The following RBMS3 variants were observed in gnomAD, a reference collection of about 807,000 sequenced individuals.
RBMS3 encodes RNA-binding motif, single-stranded-interacting protein 3.
A neutral mutation model predicts 66.8 loss-of-function variants in RBMS3; 27 were observed. That is an observed-to-expected ratio of 0.40 (90% CI 0.30 to 0.56). The LOEUF is 0.56. RBMS3 is among the 20% of genes least tolerant of loss of function. The pLI, the probability that RBMS3 is intolerant of heterozygous loss-of-function variation, is 0.40. For missense variants in RBMS3, 513 were observed against 549.5 expected, an observed-to-expected ratio of 0.93 and a Z score of 0.66; for synonymous variants, 188 against 183.0, an observed-to-expected ratio of 1.03 and a Z score of -0.22.
chr3:29,722,196 G>A (rs887462709), intron 4 of RBMS3, among the ~76,000 whole-genome samples: 4 of 151,980 alleles, frequency 2.6e-5, no homozygotes, highest in African/African-American at 9.7e-5. Flanking sequence ...TATTTTTTCA[G>A]TTTTTTCATG....
intron 3 of RBMS3, among the ~76,000 whole-genome samples, chr3:29,506,923 T>C (rs1576047398): frequency 1.3e-5 from 2 of 152,004 alleles, no homozygotes; most frequent in South Asian, 2.1e-4. Flanking sequence ...TCAGCTATAA[T>C]ATCTCCTCTT....
chr3:29,583,130 G>A (rs1243488995), intron 3 of RBMS3, among the ~76,000 whole-genome samples: 1 of 152,068 alleles, frequency 6.6e-6, no homozygotes, highest in Non-Finnish European at 1.5e-5. Context: ...TTTTTTCAAA[G>A]TTTAGCCAGA....
At chr3:29,661,761 G>C (rs1264590209) in intron 4 of RBMS3, among the ~76,000 whole-genome samples, 1 of 152,154 alleles carries the variant, frequency 6.6e-6, no homozygotes, top group East Asian at 1.9e-4. Flanking sequence ...CATGATGTAC[G>C]TGATGGCTTG....
intron 4 of RBMS3, among the ~76,000 whole-genome samples, chr3:29,733,765 G>GT: frequency 6.6e-6 from 1 of 152,060 alleles, no homozygotes; most frequent in Admixed American, 6.6e-5. Flanking sequence ...CCATTAGCCC[G>GT]TTTTTGCTTT....
intron 1 of RBMS3, among the ~76,000 whole-genome samples, chr3:29,326,897 AT>A (rs2035370353): frequency 6.6e-6 from 1 of 151,740 alleles, no homozygotes; most frequent in Admixed American, 6.6e-5. Flanking sequence ...CGCCCAGCTA[AT>A]TTTTTGTATT....
chr3:29,827,365 G>A (rs2058237377), intron 6 of RBMS3, among the ~76,000 whole-genome samples: 1 of 152,162 alleles, frequency 6.6e-6, no homozygotes, highest in South Asian at 2.1e-4. Flanking sequence ...ATGAATGTGA[G>A]GATGGTGATC....
At chr3:29,932,135 C>G (rs1464644947) in intron 10 of RBMS3, among the ~76,000 whole-genome samples, 1 of 152,038 alleles carries the variant, frequency 6.6e-6, no homozygotes, top group South Asian at 2.1e-4. Flanking sequence ...CCAAACTGAT[C>G]AAATTGAAGC....
At chr3:29,786,110 A>AT (rs2056808021) in intron 6 of RBMS3, among the ~76,000 whole-genome samples, 2 of 148,928 alleles carry the variant, frequency 1.3e-5, no homozygotes, top group Middle Eastern at 3.4e-3. Flanking sequence ...AAAAAAAAAA[A>AT]AAAACTTAGA....
chr3:29,604,900 C>T (rs1273387804), intron 4 of RBMS3, among the ~76,000 whole-genome samples: 1 of 151,932 alleles, frequency 6.6e-6, no homozygotes, highest in African/African-American at 2.4e-5. Flanking sequence ...GGGGTTAGAG[C>T]ATGATAGCAA....
intron 6 of RBMS3, among the ~76,000 whole-genome samples, chr3:29,804,682 G>T (rs371166163): frequency 2.0e-5 from 3 of 151,926 alleles, no homozygotes; most frequent in Non-Finnish European, 2.9e-5. Context: ...CCAGAAATAG[G>T]CTAGTCGTTC....
At chr3:29,917,330 T>A (rs1321000925) in intron 10 of RBMS3, among the ~76,000 whole-genome samples, 11 of 152,134 alleles carry the variant, frequency 7.2e-5, no homozygotes, top group Non-Finnish European at 1.6e-4. Flanking sequence ...CACTTGGCGA[T>A]GTCCTTCCTT....
chr3:29,595,838 C>A (rs1397959976), intron 4 of RBMS3, among the ~76,000 whole-genome samples: 1 of 152,096 alleles, frequency 6.6e-6, no homozygotes, highest in Non-Finnish European at 1.5e-5. Context: ...CAGGGAGTGC[C>A]GGACAACCAT....
chr3:29,652,875 T>A (rs2050193684), intron 4 of RBMS3, among the ~76,000 whole-genome samples: 1 of 152,140 alleles, frequency 6.6e-6, no homozygotes, highest in African/African-American at 2.4e-5. Flanking sequence ...ACCTCTGAAG[T>A]TCAAAGTCTC....
intron 4 of RBMS3, among the ~76,000 whole-genome samples, chr3:29,733,600 G>T (rs774108915): frequency 2.0e-5 from 3 of 151,932 alleles, no homozygotes; most frequent in Admixed American, 2.0e-4. Context: ...GTTTTGATTT[G>T]CATTTCCCTG....
chr3:29,348,369 A>T (rs1008999747), intron 1 of RBMS3, among the ~76,000 whole-genome samples: 1 of 152,152 alleles, frequency 6.6e-6, no homozygotes, highest in African/African-American at 2.4e-5. Context: ...TTAATAATCG[A>T]TGCAGGTGGG....
intron 1 of RBMS3, among the ~76,000 whole-genome samples, chr3:29,309,610 G>T (rs548521619): frequency 2.1e-4 from 31 of 149,950 alleles, no homozygotes; most frequent in African/African-American, 3.0e-4. Flanking sequence ...ATGCAGTGGT[G>T]GGGGGGGCGG....
intron 6 of RBMS3, among the ~76,000 whole-genome samples, chr3:29,867,306 CCA>C (rs1394111736): frequency 6.6e-6 from 1 of 151,724 alleles, no homozygotes; most frequent in Non-Finnish European, 1.5e-5. Flanking sequence ...GACAATAATG[CCA>C]CATATCAATT....
At chr3:29,536,218 A>G (rs551076321) in intron 3 of RBMS3, among the ~76,000 whole-genome samples, 10 of 152,306 alleles carry the variant, frequency 6.6e-5, no homozygotes, top group African/African-American at 2.4e-4. Context: ...CCACACATAT[A>G]CAGTAGGAGC....
rs116598968 is a variant in RBMS3 at position 29,391,427 on chromosome 3, T to C, written c.76-43316T>C. ...AGAAAAACAAAAATCAAAGAAACTA[T>C]TCTAAACAAGCTATCAAATTTGTGT... On this transcript the variant is annotated intron_variant, in intron 1 of 14. Coordinates refer to ENST00000383767, the MANE Select transcript of RBMS3 (RefSeq NM_001003793.3). Among the ~76,000 whole-genome samples, 1,143 of 152,172 alleles carry C rather than the reference T, an allele frequency of 7.5e-3. 15 individuals are homozygous for C. The highest frequency in any genetic ancestry group is 0.026 in the African/African-American group (1,090 of 41,488).
Sources: gnomAD v4.1 joint callset for allele counts (sites outside exome capture counted in the v4.1 genomes callset) on GRCh38, gnomAD v4.1.1 for gene constraint, MANE v1.5 for transcripts, NCBI Gene and HGNC (gene_info 2026-07-23, HGNC 2026-07-21) for gene names.